The following LIAT1 variants were observed in gnomAD, a reference collection of about 807,000 sequenced individuals.
LIAT1 encodes the protein ligand of ATE1.
the LIAT1 span, chr17:410,548 G>A: frequency 2.8e-5 from 43 of 1,546,820 alleles, no homozygotes; most frequent in South Asian, 4.9e-4. Flanking sequence ...CGGGGGTCTA[G>A]ACTGCCCCCC....
chr17:410,334 G>T, the LIAT1 span: 1 of 1,461,752 alleles, frequency 6.8e-7, no homozygotes, highest in African/African-American at 1.5e-5. Flanking sequence ...CGCAGCAGGG[G>T]TGGTCGCCAT....
At chr17:410,657 C>A in the LIAT1 span, 1 of 1,537,570 alleles carries the variant, frequency 6.5e-7, no homozygotes, top group Non-Finnish European at 8.7e-7. Flanking sequence ...GTAAGAGGAG[C>A]AGCTAGCCCG....
At chr17:413,222 G>C in the LIAT1 span, 1 of 1,614,224 alleles carries the variant, frequency 6.2e-7, no homozygotes, top group Non-Finnish European at 8.5e-7. Flanking sequence ...TCCTTGCAAA[G>C]AGCGTGGCCC....
chr17:411,140 C>T, the LIAT1 span, among the ~76,000 whole-genome samples: 1 of 152,228 alleles, frequency 6.6e-6, no homozygotes, highest in African/African-American at 2.4e-5. Flanking sequence ...TAGACACCCA[C>T]ACCCACAGAC....
the LIAT1 span, chr17:413,574 G>T: frequency 6.6e-7 from 1 of 1,523,238 alleles, no homozygotes; most frequent in Non-Finnish European, 8.8e-7. Flanking sequence ...GCCCTCAAGG[G>T]CATCCACCCC....
At chr17:412,135 A>T in the LIAT1 span, among the ~76,000 whole-genome samples, 1 of 152,152 alleles carries the variant, frequency 6.6e-6, no homozygotes, top group South Asian at 2.1e-4. Context: ...GGAATTCAAG[A>T]CCAGCCTGGC....
At chr17:410,908 A>G in the LIAT1 span, among the ~76,000 whole-genome samples, 2 of 152,022 alleles carry the variant, frequency 1.3e-5, no homozygotes, top group African/African-American at 2.4e-5. Flanking sequence ...TTCCAGCCCC[A>G]CACAAAGACA....
At chr17:414,102 C>T in the LIAT1 span, 2 of 1,613,398 alleles carry the variant, frequency 1.2e-6, no homozygotes, top group Non-Finnish European at 8.5e-7. The surrounding 1 kb of genome is among the most constrained non-coding windows in gnomAD (Gnocchi z 4.1). Flanking sequence ...TTAGCTCCTA[C>T]TCTGCTGGAG....
At chr17:412,301 CAAAAA>C in the LIAT1 span, among the ~76,000 whole-genome samples, 1 of 117,716 alleles carries the variant, frequency 8.5e-6, no homozygotes, top group African/African-American at 3.3e-5. Context: ...GACTCAGTCT[CAAAAA>C]AAAAAAAAGC....
At chr17:410,424 C>A in the LIAT1 span, 3 of 1,535,026 alleles carry the variant, frequency 2.0e-6, no homozygotes, top group Non-Finnish European at 2.6e-6. Context: ...GCCCCCGGGG[C>A]GGGTTGGGTT....
At chr17:413,009 C>G in the LIAT1 span, 1 of 869,900 alleles carries the variant, frequency 1.1e-6, no homozygotes, top group East Asian at 2.5e-5. Context: ...GGGCACGAGG[C>G]TGGTGGGCTT....
chr17:414,184 A>G, the LIAT1 span: 17 of 1,525,574 alleles, frequency 1.1e-5, no homozygotes, highest in African/African-American at 2.1e-4. The surrounding 1 kb of genome is among the most constrained non-coding windows in gnomAD (Gnocchi z 4.1). Context: ...AAAAACCATC[A>G]TCATAAAAGG....
the LIAT1 span, chr17:410,346 G>C: frequency 2.0e-6 from 3 of 1,475,000 alleles, no homozygotes; most frequent in South Asian, 4.2e-5. Context: ...GGTCGCCATG[G>C]AGACGCGTGG....
chr17:413,824 CG>C, the LIAT1 span: 1 of 1,384,914 alleles, frequency 7.2e-7, no homozygotes, highest in Middle Eastern at 2.4e-4. Context: ...GCTTCCACCC[CG>C]ACCCCAAGGC....
At chr17:413,331 CG>C in the LIAT1 span, 10 of 1,614,230 alleles carry the variant, frequency 6.2e-6, no homozygotes. Context: ...GAGAACCTTG[CG>C]AATCGGATCA....
chr17:411,489 G>A, the LIAT1 span, among the ~76,000 whole-genome samples: 1 of 152,032 alleles, frequency 6.6e-6, no homozygotes, highest in Non-Finnish European at 1.5e-5. Context: ...AGCTATGATC[G>A]CACCATTGCA....
the LIAT1 span, chr17:414,095 G>T: frequency 1.2e-6 from 2 of 1,613,496 alleles, no homozygotes; most frequent in Non-Finnish European, 8.5e-7. This position sits in a 1 kb window ranked among gnomAD's most constrained non-coding sequence, Gnocchi z 4.1. Context: ...CTCTGACTTA[G>T]CTCCTACTCT....
At chr17:410,970 C>T in the LIAT1 span, among the ~76,000 whole-genome samples, 9 of 152,190 alleles carry the variant, frequency 5.9e-5, no homozygotes, top group Non-Finnish European at 1.3e-4. Flanking sequence ...TAAACGTCTG[C>T]GCCTTCCCCA....
At chr17:413,339 A>G in the LIAT1 span, 7 of 1,614,252 alleles carry the variant, frequency 4.3e-6, no homozygotes, top group Non-Finnish European at 5.9e-6. Flanking sequence ...TGCGAATCGG[A>G]TCAACGAAAG....
Sources: allele counts gnomAD v4.1 joint callset (sites outside exome capture counted in the v4.1 genomes callset), GRCh38; gene constraint gnomAD v4.1.1; non-coding constraint Gnocchi (gnomAD v3.1); transcripts MANE v1.5; gene names NCBI Gene and HGNC (gene_info 2026-07-23, HGNC 2026-07-21).